The following PDE4D variants were observed in gnomAD, a reference collection of about 807,000 sequenced individuals.
PDE4D encodes the protein 3',5'-cyclic-AMP phosphodiesterase 4D.
PDE4D carries 24 observed loss-of-function variants against 87.4 expected under a neutral mutation model. The observed-to-expected ratio is 0.27, with a 90% confidence interval of 0.20 to 0.39. PDE4D has a LOEUF of 0.39. Ranked by LOEUF, PDE4D falls within the 10% of genes least tolerant of loss-of-function variation. The pLI is 1.00. For synonymous variants in PDE4D, 384 were observed against 383.2 expected (o/e 1.00, Z -0.02); for missense variants, 714 against 1,041.0 (o/e 0.69, Z 4.32).
At chr5:59,451,268 G>A (rs557454183) in intron 1 of PDE4D, among the ~76,000 whole-genome samples, 2 of 152,242 alleles carry the variant, frequency 1.3e-5, no homozygotes, top group South Asian at 2.1e-4. Context: ...TTTCATTTCA[G>A]CTTTGTCTTC....
intron 2 of PDE4D, among the ~76,000 whole-genome samples, chr5:59,212,061 G>A (rs1192888661): frequency 3.3e-5 from 5 of 151,928 alleles, no homozygotes; most frequent in Non-Finnish European, 5.9e-5. Context: ...AGCTTAACTA[G>A]AACTATTAAT....
intron 1 of PDE4D, among the ~76,000 whole-genome samples, chr5:60,337,084 C>T (rs952005197): frequency 1.3e-5 from 2 of 150,786 alleles, no homozygotes; most frequent in Non-Finnish European, 2.9e-5. Context: ...CTTTGGGATG[C>T]CAAGGCCGGT....
intron 5 of PDE4D, among the ~76,000 whole-genome samples, chr5:59,071,120 CG>C (rs558014713): frequency 1.8e-4 from 28 of 152,254 alleles, no homozygotes; most frequent in African/African-American, 6.5e-4. Context: ...CACTTTCCTT[CG>C]GAATTTAAAA....
chr5:60,335,431 T>C (rs937700486), intron 1 of PDE4D, among the ~76,000 whole-genome samples: 9 of 152,204 alleles, frequency 5.9e-5, no homozygotes, highest in African/African-American at 2.2e-4. Context: ...AGGCCCTCTC[T>C]CTCCTGATGG....
chr5:59,208,266 G>A (rs1333250277), intron 2 of PDE4D, among the ~76,000 whole-genome samples: 1 of 152,216 alleles, frequency 6.6e-6, no homozygotes, highest in East Asian at 1.9e-4. Flanking sequence ...TTAGCACAAA[G>A]TCCTAGAGTT....
intron 5 of PDE4D, among the ~76,000 whole-genome samples, chr5:59,045,365 T>G (rs975828848): frequency 6.6e-6 from 1 of 151,806 alleles, no homozygotes; most frequent in African/African-American, 2.4e-5. Context: ...ACCAGCCTGA[T>G]CCACATGGAG....
At chr5:60,162,374 C>T (rs890272831) in intron 2 of PDE4D, among the ~76,000 whole-genome samples, 2 of 152,126 alleles carry the variant, frequency 1.3e-5, no homozygotes, top group South Asian at 2.1e-4. Context: ...TTTAAGTCTC[C>T]GCAGCTGAGA....
chr5:59,137,719 G>T (rs978157033), intron 5 of PDE4D, among the ~76,000 whole-genome samples: 1 of 151,952 alleles, frequency 6.6e-6, no homozygotes, highest in South Asian at 2.1e-4. Context: ...GTAGAGACAG[G>T]GTTTCACCGT....
intron 1 of PDE4D, among the ~76,000 whole-genome samples, chr5:59,216,365 T>C (rs183910368): frequency 1.5e-3 from 222 of 152,296 alleles, no homozygotes; most frequent in African/African-American, 5.1e-3. Context: ...CTCCCAAACC[T>C]GGGCTTCTCC....
chr5:59,507,214 C>T (rs1809417872), intron 1 of PDE4D, among the ~76,000 whole-genome samples: 1 of 151,914 alleles, frequency 6.6e-6, no homozygotes, highest in Non-Finnish European at 1.5e-5. Context: ...TGCCTGTAGA[C>T]CCAACTACTT....
intron 3 of PDE4D, among the ~76,000 whole-genome samples, chr5:59,967,063 G>C (rs1760128726): frequency 6.6e-6 from 1 of 152,116 alleles, no homozygotes; most frequent in Admixed American, 6.6e-5. Flanking sequence ...AGTTTTCTCA[G>C]AATCTCAAAT....
At chr5:59,561,708 T>C (rs908904802) in intron 1 of PDE4D, among the ~76,000 whole-genome samples, 1 of 152,086 alleles carries the variant, frequency 6.6e-6, no homozygotes, top group African/African-American at 2.4e-5. Flanking sequence ...GGCAGGCAGA[T>C]CACCTGTGGT....
At chr5:59,729,018 A>G (rs1026936514) in intron 1 of PDE4D, among the ~76,000 whole-genome samples, 1 of 152,126 alleles carries the variant, frequency 6.6e-6, no homozygotes, top group Non-Finnish European at 1.5e-5. Context: ...ATCCCTACAC[A>G]ACCCAAGATT....
At chr5:59,508,078 T>A (rs1258309328) in intron 1 of PDE4D, among the ~76,000 whole-genome samples, 1 of 152,200 alleles carries the variant, frequency 6.6e-6, no homozygotes, top group African/African-American at 2.4e-5. Context: ...CCCACAGGGA[T>A]AACTAAGTAC....
In PDE4D at chr5:59,125,391, G is replaced by A. The variant is rs115832273; in HGVS notation, c.808+55204C>T. 5.0e-4 allele frequency: 249 copies of A among 496,192 alleles called. 2 individuals carry two copies. The highest frequency in any genetic ancestry group is 4.8e-3 in the African/African-American group (233 of 48,102). 30.7% of individuals were successfully genotyped at this position (496,192 alleles called of 1,614,324 possible). ...TGATCCTCTTCCTTAAGCTTCCTCT[G>A]TCAATTGACTGCCAACCTTATTTGC... On this transcript the variant is annotated intron_variant, in intron 5 of 14. Transcript: ENST00000340635.
chr5:59,879,113 G>C (rs968115955), intron 1 of PDE4D, among the ~76,000 whole-genome samples: 1 of 151,408 alleles, frequency 6.6e-6, no homozygotes, highest in Non-Finnish European at 1.5e-5. Context: ...TGTTAGCCAG[G>C]ATGGTCTCGA....
intron 1 of PDE4D, among the ~76,000 whole-genome samples, chr5:60,191,874 A>G (rs923584726): frequency 2.3e-4 from 35 of 152,008 alleles, no homozygotes; most frequent in African/African-American, 8.2e-4. Context: ...GGTGGCAGGC[A>G]CCTGTAACCC....
intron 2 of PDE4D, among the ~76,000 whole-genome samples, chr5:60,112,955 G>T (rs12522531): frequency 0.51 from 77,978 of 151,918 alleles, 20,460 homozygotes; most frequent in Admixed American, 0.57. Flanking sequence ...TCCACAAGCT[G>T]CTTTCAAGGG....
At chr5:59,550,244 TAAC>T (rs1817891556) in intron 1 of PDE4D, among the ~76,000 whole-genome samples, 1 of 152,198 alleles carries the variant, frequency 6.6e-6, no homozygotes, top group African/African-American at 2.4e-5. Context: ...TTTACCTTGA[TAAC>T]ATATCAAGGT....
Sources: gnomAD v4.1 joint callset for allele counts (sites outside exome capture counted in the v4.1 genomes callset) on GRCh38, gnomAD v4.1.1 for gene constraint, MANE v1.5 for transcripts, NCBI Gene and HGNC (gene_info 2026-07-23, HGNC 2026-07-21) for gene names.